CNTRL: variants seen among roughly 807,000 people sequenced by gnomAD.
CNTRL encodes centriolin.
In CNTRL, 233 loss-of-function variants were observed where a neutral mutation model predicts 303.7. That is an observed-to-expected ratio of 0.77 (90% CI 0.69 to 0.86). CNTRL has a LOEUF of 0.86. Among genes scored for constraint, CNTRL ranks in the 40% least tolerant of loss-of-function variants. The pLI, the probability that CNTRL is intolerant of heterozygous loss-of-function variation, is 0.00. For missense variants in CNTRL, 2,524 were observed against 2,650.6 expected (o/e 0.95, Z 1.05); for synonymous variants, 900 against 922.2 (o/e 0.98, Z 0.44).
intron 12 of CNTRL, among the ~76,000 whole-genome samples, chr9:121,123,037 C>G (rs1447132443): frequency 1.3e-5 from 2 of 152,096 alleles, no homozygotes; most frequent in Non-Finnish European, 2.9e-5. Context: ...AGTATTTTAT[C>G]TATTTCATAC....
intron 42 of CNTRL, 72 bp downstream of exon 42, chr9:121,173,809 A>G: frequency 1.5e-6 from 2 of 1,343,290 alleles, no homozygotes; most frequent in Non-Finnish European, 2.1e-6. Flanking sequence ...GGAAAGTTAC[A>G]TTTACCTGAT....
chr9:121,158,468 A>G (rs1205161908), intron 30 of CNTRL: 1 of 230,796 alleles, frequency 4.3e-6, no homozygotes, highest in African/African-American at 2.3e-5. Context: ...TTGTAAACAA[A>G]TACGTATTGT....
At chr9:121,114,391 G>A (rs1013276425) in intron 10 of CNTRL, among the ~76,000 whole-genome samples, 1 of 152,142 alleles carries the variant, frequency 6.6e-6, no homozygotes, top group Non-Finnish European at 1.5e-5. Context: ...TCAGACCAGC[G>A]GCTTATCTTT....
chr9:121,174,962 G>A (rs72760256), intron 42 of CNTRL, 56 bp from the exon 43 acceptor site: 143,395 of 1,480,312 alleles, frequency 0.097, 7,687 homozygotes, highest in Non-Finnish European at 0.11. Flanking sequence ...GAAGCTGAGC[G>A]GCAGTTCTGG....
rs1564306579 is a variant in CNTRL at position 121,171,469 on chromosome 9, A to G, written c.6338A>G (p.Gln2113Arg). 1.9e-6 allele frequency: 3 copies of G among 1,614,056 alleles called. No individual in the cohort carries two copies. Among genetic ancestry groups the G allele is most frequent in the East Asian group, 2.2e-5 (1 of 44,890 alleles). The part of the protein sequence containing the change: ...KEMATIELVA[Q>R]DNHERARRLM... The stretch of plus-strand genomic sequence containing the variant: ...ATGGCAACAATTGAACTGGTAGCCC[A>G]GGACAACCATGAGCGGGCCAGGCGC... Residue 2113 changes from glutamine to arginine, a missense_variant, in exon 40 of 44, where the codon CAG becomes CGG. Transcript: ENST00000373855.
intron 18 of CNTRL, 50 bp from the exon 19 acceptor site, chr9:121,142,041 T>G: frequency 6.9e-7 from 1 of 1,452,498 alleles, no homozygotes; most frequent in South Asian, 1.4e-5. Flanking sequence ...TTATTTTGCT[T>G]AAAACATATT....
At chr9:121,077,238 T>C (rs1389043102) in intron 1 of CNTRL, among the ~76,000 whole-genome samples, 1 of 152,100 alleles carries the variant, frequency 6.6e-6, no homozygotes, top group Non-Finnish European at 1.5e-5. Context: ...ATTTGCTTTT[T>C]TTTTCTCTTT....
intron 32 of CNTRL, 105 bp downstream of exon 32, chr9:121,160,407 C>G: frequency 4.0e-6 from 3 of 743,974 alleles, no homozygotes; most frequent in Non-Finnish European, 6.1e-6. Context: ...AAAGTTTAAC[C>G]TTACTGCTAA....
At chr9:121,160,758 T>A (rs916444894) in intron 32 of CNTRL, among the ~76,000 whole-genome samples, 1 of 152,090 alleles carries the variant, frequency 6.6e-6, no homozygotes, top group African/African-American at 2.4e-5. Context: ...GGCAAGAGGA[T>A]TGCTTGAGCC....
At chr9:121,144,606 A>G (rs2051724202) in intron 20 of CNTRL, among the ~76,000 whole-genome samples, 1 of 152,234 alleles carries the variant, frequency 6.6e-6, no homozygotes, top group South Asian at 2.1e-4. Flanking sequence ...CGGTAGTAAA[A>G]GTAAAAAAGT....
intron 8 of CNTRL, among the ~76,000 whole-genome samples, chr9:121,110,248 TA>T (rs763564558): frequency 6.6e-6 from 1 of 152,118 alleles, no homozygotes; most frequent in Non-Finnish European, 1.5e-5. Context: ...TAGTTATATT[TA>T]AAATGAGGAT....
chr9:121,125,942 A>AT lies in CNTRL; in HGVS notation c.2025+13dup, dbSNP rs750539441. 2.4e-5 allele frequency: 39 copies of AT among 1,611,044 alleles called. No homozygotes were observed. The highest frequency in any genetic ancestry group is 3.1e-5 in the Non-Finnish European group (36 of 1,177,404). On this transcript the variant is annotated splice_region_variant and intron_variant, in intron 14 of 43. Coordinates refer to ENST00000373855, the MANE Select transcript of CNTRL (RefSeq NM_007018.6). The stretch of plus-strand genomic sequence containing the variant: ...ATGCAGAAAATATGAGGAAGGTATG[A>AT]TTTTTTTCCTGCCTATTTTCCGTAG...
At chr9:121,171,601 G>A in intron 40 of CNTRL, 53 bp downstream of exon 40, 1 of 1,570,104 alleles carries the variant, frequency 6.4e-7, no homozygotes, top group South Asian at 1.2e-5. Context: ...GACTCACTGG[G>A]CTCAGGCAGA....
intron 4 of CNTRL, among the ~76,000 whole-genome samples, chr9:121,094,363 C>T (rs1170314220): frequency 1.3e-5 from 2 of 152,014 alleles, no homozygotes; most frequent in Non-Finnish European, 2.9e-5. Flanking sequence ...GCAAAAGATC[C>T]TGAGACACAG....
intron 8 of CNTRL, among the ~76,000 whole-genome samples, chr9:121,110,490 G>A (rs904836991): frequency 2.0e-5 from 3 of 152,022 alleles, no homozygotes; most frequent in African/African-American, 7.2e-5. Flanking sequence ...TCCAAGTGAC[G>A]GTATCTGTTT....
In CNTRL at chr9:121,122,371, A is replaced by T. The variant is rs961315855; in HGVS notation, c.1651-1560A>T. 6 of 984,814 alleles carry T rather than the reference A, an allele frequency of 6.1e-6. No individual in the cohort carries two copies. The African/African-American group carries it at 1.0e-4, about 17-fold the overall frequency. 61.0% of individuals were successfully genotyped at this position (984,814 alleles called of 1,614,324 possible). ...TAGTAAATTAAAAACCTTCCAGTTAAGCTGCCACTCTTTTGTTCATCAGAA... is the reference window on the plus strand; with the variant it reads ...TAGTAAATTAAAAACCTTCCAGTTATGCTGCCACTCTTTTGTTCATCAGAA... On this transcript the variant is annotated intron_variant, in intron 12 of 43. Coordinates refer to ENST00000373855, the MANE Select transcript of CNTRL (RefSeq NM_007018.6).
intron 19 of CNTRL, among the ~76,000 whole-genome samples, chr9:121,143,322 A>G (rs1451241511): frequency 6.6e-6 from 1 of 152,112 alleles, no homozygotes; most frequent in African/African-American, 2.4e-5. Context: ...TGCTGTCATC[A>G]TCTCTCTTCT....
At chr9:121,160,365 C>A (rs2052788614) in intron 32 of CNTRL, 63 bp downstream of exon 32, 3 of 1,216,404 alleles carry the variant, frequency 2.5e-6, no homozygotes, top group South Asian at 5.6e-5. Flanking sequence ...TTACAAGTCA[C>A]AGAAAAAATA....
chr9:121,136,134 G>A lies in CNTRL; in HGVS notation c.2202+152G>A, dbSNP rs539495134. ...AGGCAGAATTTTGGAGTCAGACATT[G>A]TGAGTGCTAATAACTACCCCTGTGT... On this transcript the variant is annotated intron_variant, in intron 15 of 43. Coordinates refer to ENST00000373855, the MANE Select transcript of CNTRL (RefSeq NM_007018.6). 7.3e-5 allele frequency: 48 copies of A among 660,230 alleles called. No homozygotes were observed. The African/African-American group carries it at 7.4e-4, about 10-fold the overall frequency. The allele number at this position is 660,230 out of a possible 1,614,324, so 40.9% of individuals were successfully genotyped here. A position where few individuals can be genotyped will look rare whatever the true frequency, so the allele number is the denominator to read the frequency against.
Sources: allele counts gnomAD v4.1 joint callset (sites outside exome capture counted in the v4.1 genomes callset), GRCh38; gene constraint gnomAD v4.1.1; transcripts MANE v1.5; gene names NCBI Gene and HGNC (gene_info 2026-07-23, HGNC 2026-07-21).